The following PADI4 variants were observed in gnomAD, a reference collection of about 807,000 sequenced individuals.
The protein encoded by PADI4 is protein-arginine deiminase type-4.
In PADI4, 62 loss-of-function variants were observed where a neutral mutation model predicts 75.0. That is an observed-to-expected ratio of 0.83 (90% CI 0.67 to 1.02). The LOEUF is 1.02. PADI4 is among the 50% of genes least tolerant of loss of function. The pLI, the probability that PADI4 is intolerant of heterozygous loss-of-function variation, is 0.00. For synonymous variants in PADI4, 361 were observed against 348.1 expected, an observed-to-expected ratio of 1.04 and a Z score of -0.41; for missense variants, 845 against 850.5, an observed-to-expected ratio of 0.99 and a Z score of 0.08.
intron 2 of PADI4, 57 bp from the exon 3 acceptor site, chr1:17,333,886 C>A: frequency 7.6e-7 from 1 of 1,317,772 alleles, no homozygotes; most frequent in Non-Finnish European, 1.1e-6. Context: ...AGGAGGGGGT[C>A]CAGTGGGTGT....
intron 6 of PADI4, among the ~76,000 whole-genome samples, chr1:17,340,283 A>G (rs2074394349): frequency 6.6e-6 from 1 of 152,146 alleles, no homozygotes; most frequent in South Asian, 2.1e-4. Context: ...CTTTCATCTT[A>G]GTGGCTGGGA....
intron 1 of PADI4, among the ~76,000 whole-genome samples, chr1:17,308,585 G>A (rs2073718303): frequency 1.3e-5 from 2 of 152,190 alleles, no homozygotes; most frequent in Non-Finnish European, 2.9e-5. Context: ...CCATCTCCCT[G>A]TCTTCATCGA....
At chr1:17,351,842 A>G (rs1055970074) in intron 10 of PADI4, among the ~76,000 whole-genome samples, 1 of 151,804 alleles carries the variant, frequency 6.6e-6, no homozygotes, top group Non-Finnish European at 1.5e-5. Flanking sequence ...GGGGTAGAGC[A>G]GAGCAACCAG....
intron 1 of PADI4, among the ~76,000 whole-genome samples, chr1:17,311,817 G>C (rs966148377): frequency 6.6e-6 from 1 of 152,106 alleles, no homozygotes; most frequent in Admixed American, 6.6e-5. Flanking sequence ...GAGCCACCGC[G>C]CCCAGCCGGG....
At chr1:17,363,063 C>A (rs12739518) in intron 15 of PADI4, among the ~76,000 whole-genome samples, 1 of 151,942 alleles carries the variant, frequency 6.6e-6, no homozygotes, top group Admixed American at 6.6e-5. Context: ...GTGATCCACT[C>A]GCCTAGGCCT....
At chr1:17,320,676 C>T (rs1009637353) in intron 1 of PADI4, among the ~76,000 whole-genome samples, 3 of 152,106 alleles carry the variant, frequency 2.0e-5, no homozygotes, top group African/African-American at 2.4e-5. Flanking sequence ...GCAGTGAGGA[C>T]GACCAGAAGT....
At chr1:17,313,536 GAAGGAAA>G (rs2073879608) in intron 1 of PADI4, among the ~76,000 whole-genome samples, 1 of 138,952 alleles carries the variant, frequency 7.2e-6, no homozygotes, top group Admixed American at 7.2e-5. Flanking sequence ...AGGAAGGAAA[GAAGGAAA>G]GAAGGAAAGA....
Position 17,329,526 on chromosome 1 carries a change from T to C in PADI4, c.93-1443T>C, listed in dbSNP as rs529003684. Among the ~76,000 whole-genome samples the C allele has an allele frequency of 2.0e-5, 3 of 152,254 alleles. No individual in the cohort carries two copies. The South Asian group carries it at 6.2e-4, about 32-fold the overall frequency. The stretch of plus-strand genomic sequence containing the variant: ...AATCATAAGGAAGAGAAAATATATT[T>C]ACTGTTCATTAAGTGGAAGTGGATC... On this transcript the variant is annotated intron_variant, in intron 1 of 15. Transcript: ENST00000375448.
In PADI4 at chr1:17,363,514, C is replaced by T. The variant is rs1009738805; in HGVS notation, c.1759-8C>T. The T allele has an allele frequency of 6.9e-6, 11 of 1,601,996 alleles. No individual in the cohort carries two copies. Among genetic ancestry groups the T allele is most frequent in the Non-Finnish European group, 8.5e-7 (1 of 1,170,116 alleles). On this transcript the variant is annotated splice_region_variant and splice_polypyrimidine_tract_variant and intron_variant, in intron 15 of 15. Coordinates refer to ENST00000375448, the MANE Select transcript of PADI4 (RefSeq NM_012387.3). The stretch of plus-strand genomic sequence containing the variant: ...CTGCCTGTGACCTGAACCCTCACTT[C>T]CCTGCAGGTGAACATGCTGGTGCTA...
intron 1 of PADI4, among the ~76,000 whole-genome samples, chr1:17,319,945 A>G (rs2074006473): frequency 6.6e-6 from 1 of 152,208 alleles, no homozygotes; most frequent in Non-Finnish European, 1.5e-5. Context: ...TAAAATACCT[A>G]AGGAGGCAGC....
chr1:17,351,424 C>T (rs12084035), intron 10 of PADI4, among the ~76,000 whole-genome samples: 3 of 141,500 alleles, frequency 2.1e-5, no homozygotes, highest in Non-Finnish European at 4.6e-5. Context: ...AACCCTGTCT[C>T]TACAAAAAAA....
chr1:17,354,623 G>A lies in PADI4; in HGVS notation c.1246G>A (p.Val416Ile). 1 of 1,614,158 alleles carries A rather than the reference G, an allele frequency of 6.2e-7. No homozygotes were observed. Among genetic ancestry groups the A allele is most frequent in the Non-Finnish European group, 8.5e-7 (1 of 1,180,008 alleles). Residue 416 changes from valine (V) to isoleucine (I), a missense_variant, in exon 11 of 16, where the codon GTC becomes ATC. Physicochemically the swap from Val to Ile is conservative, Grantham distance 29. Transcript: ENST00000375448. ...SFGNLEVSPP[V>I]TVRGKEYPLG... ...TGGGAACCTGGAAGTGAGCCCCCCA[G>A]TCACAGTCAGGGGCAAGGAATACCC...
chr1:17,326,865 T>G (rs1401835425), intron 1 of PADI4, among the ~76,000 whole-genome samples: 2 of 151,616 alleles, frequency 1.3e-5, no homozygotes, highest in South Asian at 4.1e-4. Context: ...CAACTTCTTT[T>G]CCCTATGAAT....
At chr1:17,324,096 C>T (rs151033497) in intron 1 of PADI4, among the ~76,000 whole-genome samples, 223 of 151,096 alleles carry the variant, frequency 1.5e-3, no homozygotes, top group African/African-American at 5.0e-3. Context: ...AGAGTATCTG[C>T]CTAGAAGTCA....
At chr1:17,309,436 C>T (rs970681361) in intron 1 of PADI4, among the ~76,000 whole-genome samples, 2 of 151,980 alleles carry the variant, frequency 1.3e-5, no homozygotes, top group African/African-American at 2.4e-5. Flanking sequence ...CACAGATCTA[C>T]CCCCGCCCCA....
intron 10 of PADI4, among the ~76,000 whole-genome samples, chr1:17,351,961 AGGCGGC>A (rs2074639812): frequency 4.6e-5 from 4 of 86,024 alleles, no homozygotes; most frequent in South Asian, 3.6e-4. Flanking sequence ...GTGGGAGGAG[AGGCGGC>A]CAGGGAGGTG....
At chr1:17,335,164 C>CATAT (rs10667653) in intron 3 of PADI4, among the ~76,000 whole-genome samples, 7 of 151,288 alleles carry the variant, frequency 4.6e-5, no homozygotes, top group South Asian at 2.1e-4. Flanking sequence ...TATACACACA[C>CATAT]ATATATATAT....
At chr1:17,362,668 T>C (rs1368442749) in intron 15 of PADI4, among the ~76,000 whole-genome samples, 2 of 152,104 alleles carry the variant, frequency 1.3e-5, no homozygotes, top group African/African-American at 2.4e-5. Flanking sequence ...TAAATATGCA[T>C]ATGTACCCCC....
intron 1 of PADI4, among the ~76,000 whole-genome samples, chr1:17,321,362 C>T (rs949142118): frequency 6.6e-6 from 1 of 151,500 alleles, no homozygotes; most frequent in African/African-American, 2.5e-5. Context: ...CCCACCCTCA[C>T]TCTCTTTATG....
Sources: gnomAD v4.1 joint callset for allele counts (sites outside exome capture counted in the v4.1 genomes callset) on GRCh38, gnomAD v4.1.1 for gene constraint, MANE v1.5 for transcripts, NCBI Gene and HGNC (gene_info 2026-07-23, HGNC 2026-07-21) for gene names.